Variants in HCRTR2 observed in about 807,000 individuals in gnomAD.
HCRTR2 encodes the protein orexin receptor type 2.
HCRTR2 carries 22 observed loss-of-function variants against 49.0 expected under a neutral mutation model. The ratio of observed to expected loss-of-function variants is 0.45; its 90% confidence interval spans 0.32 to 0.64. The LOEUF (loss-of-function observed/expected upper bound fraction) is 0.64. Among genes scored for constraint, HCRTR2 ranks in the 30% least tolerant of loss-of-function variants. HCRTR2 has a pLI of 0.04. For missense variants in HCRTR2, 491 were observed against 559.4 expected, an observed-to-expected ratio of 0.88 and a Z score of 1.23; for synonymous variants, 236 against 205.3, an observed-to-expected ratio of 1.15 and a Z score of -1.28.
In HCRTR2 at chr6:55,280,230, G is replaced by A. The variant is rs529295304; in HGVS notation, c.984-93G>A. The stretch of plus-strand genomic sequence containing the variant: ...TGTGGTCAATTCCTGCAACTGAAGA[G>A]GACAGGAGTCAGACCATCCTCTACC... On this transcript the variant is annotated intron_variant, in intron 5 of 6. Coordinates refer to ENST00000370862, the MANE Select transcript of HCRTR2 (RefSeq NM_001384272.1). The A allele has an allele frequency of 3.4e-5, 28 of 835,542 alleles. No individual in the cohort carries two copies. In the South Asian group the frequency reaches 4.3e-4, roughly 13 times the overall value. 51.8% of individuals were successfully genotyped at this position (835,542 alleles called of 1,614,324 possible).
intron 3 of HCRTR2, among the ~76,000 whole-genome samples, chr6:55,256,495 G>T (rs1766655253): frequency 6.6e-6 from 1 of 152,082 alleles, no homozygotes; most frequent in African/African-American, 2.4e-5. Context: ...ATATTTAAGA[G>T]AGGCTGGGAT....
intron 1 of HCRTR2, among the ~76,000 whole-genome samples, chr6:55,128,907 G>A (rs1764317261): frequency 6.6e-6 from 1 of 152,042 alleles, no homozygotes; most frequent in African/African-American, 2.4e-5. Flanking sequence ...ATCAGGAATA[G>A]ATGTTAAGTA....
rs140095625 is a variant in HCRTR2, at chr6:55,200,077, A to G, written c.223+25267A>G. ...TCCATCAGATATCTCCACCTATCAG[A>G]CCCACCCTGTTGTAATAACAAGATT... On this transcript the variant is annotated intron_variant, in intron 1 of 6. Transcript: ENST00000370862. Among the ~76,000 whole-genome samples, 4 of 152,264 alleles carry G rather than the reference A, an allele frequency of 2.6e-5. No homozygotes were observed. In the East Asian group the frequency reaches 7.7e-4, roughly 29 times the overall value.
intron 1 of HCRTR2, among the ~76,000 whole-genome samples, chr6:55,145,870 C>T (rs1473701080): frequency 6.6e-6 from 1 of 152,014 alleles, no homozygotes; most frequent in African/African-American, 2.4e-5. Context: ...TCTCTTTCCC[C>T]ATATACTTAG....
At chr6:55,172,025 G>A (rs1210398966), upstream of HCRTR2, among the ~76,000 whole-genome samples, 3 of 152,252 alleles carry the variant, frequency 2.0e-5, no homozygotes, top group African/African-American at 7.2e-5. Flanking sequence ...TAAATCAGAG[G>A]AAGACATCGT....
At chr6:55,116,515 AGAG>A (rs1764118934) in intron 1 of HCRTR2, among the ~76,000 whole-genome samples, 1 of 150,186 alleles carries the variant, frequency 6.7e-6, no homozygotes, top group Non-Finnish European at 1.5e-5. Flanking sequence ...AAGAAAGGAA[AGAG>A]GGAAGAAGGG....
chr6:55,178,430 C>T (rs187452344), intron 1 of HCRTR2, among the ~76,000 whole-genome samples: 19 of 151,852 alleles, frequency 1.3e-4, no homozygotes, highest in Non-Finnish European at 1.6e-4. Flanking sequence ...AATTAAAGAT[C>T]GATAATGACT....
At chr6:55,114,481 G>A (rs1235540718) in intron 1 of HCRTR2, among the ~76,000 whole-genome samples, 1 of 151,602 alleles carries the variant, frequency 6.6e-6, no homozygotes, top group Admixed American at 6.6e-5. Flanking sequence ...CCTGAGCTGA[G>A]TACAATCAAA....
chr6:55,201,118 A>G (rs1765506271), intron 1 of HCRTR2, among the ~76,000 whole-genome samples: 1 of 152,126 alleles, frequency 6.6e-6, no homozygotes. Flanking sequence ...ATTTCAGAGG[A>G]CAGACATCTT....
chr6:55,195,793 C>T (rs974129680), intron 1 of HCRTR2, among the ~76,000 whole-genome samples: 2 of 151,898 alleles, frequency 1.3e-5, no homozygotes, highest in African/African-American at 2.4e-5. Context: ...ATGGTGAAAC[C>T]CCGTCTCTAC....
At chr6:55,125,679 G>A (rs888831474) in intron 1 of HCRTR2, among the ~76,000 whole-genome samples, 12 of 152,068 alleles carry the variant, frequency 7.9e-5, no homozygotes, top group South Asian at 4.1e-4. Context: ...GGTTGGGGAC[G>A]TTTTCTTGGA....
intron 1 of HCRTR2, among the ~76,000 whole-genome samples, chr6:55,199,854 T>A (rs1429477263): frequency 6.6e-6 from 1 of 152,210 alleles, no homozygotes; most frequent in East Asian, 1.9e-4. Flanking sequence ...AAGGATTTAA[T>A]CAGTCAGGCA....
At chr6:55,249,389 T>C (rs1270595069) in intron 2 of HCRTR2, among the ~76,000 whole-genome samples, 1 of 152,104 alleles carries the variant, frequency 6.6e-6, no homozygotes, top group Non-Finnish European at 1.5e-5. Flanking sequence ...AACTACCGGA[T>C]TTGGAATCTC....
chr6:55,107,623 T>C (rs1763993067), intron 1 of HCRTR2, among the ~76,000 whole-genome samples: 1 of 152,148 alleles, frequency 6.6e-6, no homozygotes, highest in Non-Finnish European at 1.5e-5. Context: ...AAAATGTATA[T>C]ATTAGTATTG....
chr6:55,194,868 T>C (rs982002666), intron 1 of HCRTR2, among the ~76,000 whole-genome samples: 3 of 147,530 alleles, frequency 2.0e-5, no homozygotes, highest in African/African-American at 7.3e-5. Context: ...TGTTGGCCTC[T>C]TGTATTGTTA....
rs146863886 is a variant in HCRTR2, at chr6:55,126,644, T to C, written c.-378+20099T>C. ...CTGTGCTGGGTGGTCCACTGCTCTC[T>C]TCAGAGCGGTCAGGCAGGGATATTT... is the stretch of plus-strand genomic sequence containing the variant. On this transcript the variant is annotated intron_variant, in intron 1 of 7. Coordinates refer to the HCRTR2 transcript ENST00000615358. Among the ~76,000 whole-genome samples, 261 of 152,292 alleles carry C rather than the reference T, an allele frequency of 1.7e-3. 2 individuals are homozygous for C. The highest frequency in any genetic ancestry group is 5.7e-3 in the African/African-American group (235 of 41,582).
chr6:55,253,310 G>A (rs1377578450), intron 2 of HCRTR2, among the ~76,000 whole-genome samples: 1 of 151,968 alleles, frequency 6.6e-6, no homozygotes, highest in East Asian at 1.9e-4. Context: ...AGAGAGAACA[G>A]ATAGTTCATC....
intron 4 of HCRTR2, among the ~76,000 whole-genome samples, chr6:55,276,677 A>T (rs931863859): frequency 1.3e-5 from 2 of 152,224 alleles, no homozygotes; most frequent in African/African-American, 4.8e-5. Context: ...GGAAAAGTAC[A>T]AGTTGTGTAA....
At chr6:55,207,248 T>C (rs1052068771) in intron 1 of HCRTR2, among the ~76,000 whole-genome samples, 4 of 152,112 alleles carry the variant, frequency 2.6e-5, no homozygotes, top group Non-Finnish European at 5.9e-5. Context: ...GAAAATTTAT[T>C]TTACCTGAGT....
Sources: allele counts gnomAD v4.1 joint callset (sites outside exome capture counted in the v4.1 genomes callset), GRCh38; gene constraint gnomAD v4.1.1; transcripts MANE v1.5; gene names NCBI Gene and HGNC (gene_info 2026-07-23, HGNC 2026-07-21).